KLHL32: variants seen among roughly 807,000 people sequenced by gnomAD.
KLHL32 encodes the protein kelch like family member 32.
A neutral mutation model predicts 64.8 loss-of-function variants in KLHL32; 35 were observed. The observed-to-expected ratio is 0.54, with a 90% CI of 0.41 to 0.72. The LOEUF is 0.72. Ranked by LOEUF, KLHL32 falls within the 30% of genes least tolerant of loss-of-function variation. The pLI is 0.00. For synonymous variants in KLHL32, 259 were observed against 281.0 expected (o/e 0.92, Z 0.78); for missense variants, 589 against 768.5 (o/e 0.77, Z 2.76).
chr6:96,992,005 G>A (rs954666965), intron 3 of KLHL32, among the ~76,000 whole-genome samples: 1 of 152,220 alleles, frequency 6.6e-6, no homozygotes, highest in African/African-American at 2.4e-5. Context: ...CAGAAATGGC[G>A]GCCTGCCTGC....
intron 4 of KLHL32, among the ~76,000 whole-genome samples, chr6:97,054,881 T>C (rs548654203): frequency 5.9e-5 from 9 of 152,130 alleles, no homozygotes; most frequent in Non-Finnish European, 8.8e-5. Flanking sequence ...AGAGGATGCA[T>C]TGGGCTGATA....
chr6:97,085,508 T>A (rs931305844), intron 6 of KLHL32, among the ~76,000 whole-genome samples, 167 bp downstream of exon 6: 1 of 152,212 alleles, frequency 6.6e-6, no homozygotes, highest in Non-Finnish European at 1.5e-5. Context: ...CACTGGCCCT[T>A]GAGGCTCAGA....
At chr6:97,137,896 G>C (rs1800218821) in intron 10 of KLHL32, among the ~76,000 whole-genome samples, 1 of 152,170 alleles carries the variant, frequency 6.6e-6, no homozygotes, top group Admixed American at 6.5e-5. Context: ...GAGTGGACTA[G>C]ATCATTAAAG....
the KLHL32 span, among the ~76,000 whole-genome samples, chr6:96,909,710 A>G: frequency 6.6e-6 from 1 of 152,228 alleles, no homozygotes; most frequent in Non-Finnish European, 1.5e-5. Context: ...AATTATTTCC[A>G]GTCCAACATT....
intron 6 of KLHL32, among the ~76,000 whole-genome samples, chr6:97,102,626 A>G (rs1795871522): frequency 6.6e-6 from 1 of 152,174 alleles, no homozygotes. Flanking sequence ...CTTTTGGCTC[A>G]GAGACTATGA....
intron 3 of KLHL32, among the ~76,000 whole-genome samples, chr6:96,984,223 G>T (rs1049694126): frequency 6.6e-6 from 1 of 152,220 alleles, no homozygotes; most frequent in South Asian, 2.1e-4. Context: ...GTTCTAGTTT[G>T]ATTGCACTGT....
chr6:96,942,690 T>TGTGG (rs564012829), intron 1 of KLHL32, among the ~76,000 whole-genome samples: 2 of 146,080 alleles, frequency 1.4e-5, no homozygotes, highest in Admixed American at 1.4e-4. Context: ...TGTGTGTGTG[T>TGTGG]GATTCAGAAT....
intron 6 of KLHL32, among the ~76,000 whole-genome samples, chr6:97,108,034 T>C (rs1243912725): frequency 1.3e-5 from 2 of 152,164 alleles, no homozygotes; most frequent in Admixed American, 1.3e-4. Context: ...GCAGGGTGCT[T>C]GAGAGACCTC....
intron 2 of KLHL32, among the ~76,000 whole-genome samples, chr6:96,973,829 T>C (rs1252554185): frequency 6.7e-6 from 1 of 149,884 alleles, no homozygotes; most frequent in East Asian, 2.0e-4. Context: ...TTCAAGCAAT[T>C]CTCCTGCCTC....
At chr6:96,986,292 G>C (rs973099137) in intron 3 of KLHL32, among the ~76,000 whole-genome samples, 2 of 152,160 alleles carry the variant, frequency 1.3e-5, no homozygotes, top group African/African-American at 2.4e-5. Flanking sequence ...AATGGGGGGG[G>C]CCTCCCAGTT....
At chr6:97,097,019 C>T (rs1322272599) in intron 6 of KLHL32, among the ~76,000 whole-genome samples, 1 of 152,210 alleles carries the variant, frequency 6.6e-6, no homozygotes, top group Non-Finnish European at 1.5e-5. Flanking sequence ...TGAATACCCA[C>T]TTAAAGCCTC....
chr6:97,132,744 C>T lies in KLHL32; in HGVS notation c.1698C>T (p.Ile566=). 1 of 1,604,916 alleles carries T rather than the reference C, an allele frequency of 6.2e-7. No individual in the cohort carries two copies. Among genetic ancestry groups the T allele is most frequent in the Non-Finnish European group, 8.5e-7 (1 of 1,174,258 alleles). ...SIWTNEPLAC[I]QVLDVSREGK... Reference sequence around the variant, plus strand: ...GGACAAATGAGCCTCTGGCTTGTATCCAGGTGAGTGGTAGAAGTTCCTTTT... The same window carrying T: ...GGACAAATGAGCCTCTGGCTTGTATTCAGGTGAGTGGTAGAAGTTCCTTTT... The change falls in exon 10 of 11, where the codon ATC becomes ATT. Residue 566 remains isoleucine (I), a synonymous_variant. Coordinates refer to ENST00000369261, the MANE Select transcript of KLHL32 (RefSeq NM_052904.4).
chr6:97,104,267 G>A (rs1796115478), intron 6 of KLHL32, among the ~76,000 whole-genome samples: 1 of 152,202 alleles, frequency 6.6e-6, no homozygotes. Flanking sequence ...CATGTGGCAG[G>A]TCTGAGGGTA....
At chr6:96,926,373 A>G (rs1280960010) in intron 1 of KLHL32, among the ~76,000 whole-genome samples, 1 of 152,236 alleles carries the variant, frequency 6.6e-6, no homozygotes, top group Non-Finnish European at 1.5e-5. Flanking sequence ...TATGCAATTC[A>G]CAGAGCTTTG....
intron 5 of KLHL32, among the ~76,000 whole-genome samples, chr6:97,071,433 G>A (rs1562304960): frequency 6.6e-6 from 1 of 151,954 alleles, no homozygotes; most frequent in Non-Finnish European, 1.5e-5. Context: ...CTCCTTGACT[G>A]TCCCTCAAAG....
At chr6:97,017,346 G>A (rs757703054) in intron 3 of KLHL32, among the ~76,000 whole-genome samples, 21 of 152,160 alleles carry the variant, frequency 1.4e-4, no homozygotes, top group Non-Finnish European at 2.2e-4. Flanking sequence ...TAATCTCCAG[G>A]GTTCTTACCC....
intron 6 of KLHL32, among the ~76,000 whole-genome samples, chr6:97,094,205 G>A (rs1794651345): frequency 6.6e-6 from 1 of 152,112 alleles, no homozygotes; most frequent in African/African-American, 2.4e-5. Context: ...GAATAGCAAT[G>A]ATGTTCATGC....
At chr6:96,916,154 T>C in the KLHL32 span, among the ~76,000 whole-genome samples, 3 of 151,564 alleles carry the variant, frequency 2.0e-5, no homozygotes, top group Non-Finnish European at 2.9e-5. Context: ...GAAAGTGAGG[T>C]ACAGAAACAG....
intron 6 of KLHL32, among the ~76,000 whole-genome samples, chr6:97,111,029 T>TTG (rs1562348318): frequency 6.9e-6 from 1 of 144,596 alleles, no homozygotes; most frequent in African/African-American, 2.8e-5. Flanking sequence ...CAGAAAAGTC[T>TTG]TGGGGGGGGG....
Sources: gnomAD v4.1 joint callset for allele counts (sites outside exome capture counted in the v4.1 genomes callset) on GRCh38, gnomAD v4.1.1 for gene constraint, MANE v1.5 for transcripts, NCBI Gene and HGNC (gene_info 2026-07-23, HGNC 2026-07-21) for gene names.